ARMH4: variants seen among roughly 807,000 people sequenced by gnomAD.
The protein encoded by ARMH4 is armadillo-like helical domain-containing protein 4.
Under a neutral mutation model 61.9 loss-of-function variants are expected in ARMH4, and 49 were observed. The ratio of observed to expected loss-of-function variants is 0.79; its 90% CI spans 0.63 to 1.00. ARMH4 has a LOEUF of 1.00. ARMH4 is among the 50% of genes least tolerant of loss of function. The pLI, the probability that ARMH4 is intolerant of heterozygous loss-of-function variation, is 0.00. For synonymous variants in ARMH4, 368 were observed against 341.5 expected, an observed-to-expected ratio of 1.08 and a Z score of -0.85; for missense variants, 934 against 930.0, an observed-to-expected ratio of 1.00 and a Z score of -0.06.
chr14:58,125,795 G>T (rs1473478263), intron 4 of ARMH4, among the ~76,000 whole-genome samples: 1 of 152,136 alleles, frequency 6.6e-6, no homozygotes, highest in Non-Finnish European at 1.5e-5. Context: ...ACAGCACTTG[G>T]GTTTTCCTGT....
At chr14:58,043,785 A>C (rs1310012905) in intron 5 of ARMH4, among the ~76,000 whole-genome samples, 2 of 152,228 alleles carry the variant, frequency 1.3e-5, no homozygotes, top group African/African-American at 4.8e-5. Flanking sequence ...ATGTGCAAAA[A>C]TCACAAGCAT....
intron 5 of ARMH4, among the ~76,000 whole-genome samples, chr14:58,028,331 T>C (rs1257305386): frequency 6.6e-6 from 1 of 152,214 alleles, no homozygotes; most frequent in Non-Finnish European, 1.5e-5. Flanking sequence ...AATTTCTTGT[T>C]TGCTTGTGCT....
chr14:58,074,428 G>A (rs534876621), intron 5 of ARMH4, among the ~76,000 whole-genome samples: 5 of 150,208 alleles, frequency 3.3e-5, no homozygotes, highest in African/African-American at 4.9e-5. Flanking sequence ...GCTTCTCTCC[G>A]CTTTGGCAGT....
intron 3 of ARMH4, among the ~76,000 whole-genome samples, chr14:58,132,427 G>A (rs1042376662): frequency 1.3e-5 from 2 of 151,860 alleles, no homozygotes; most frequent in Admixed American, 1.3e-4. Context: ...CCAAAGTTGC[G>A]ATTCAAATTC....
At chr14:58,075,365 C>T (rs913898205) in intron 5 of ARMH4, among the ~76,000 whole-genome samples, 3 of 152,108 alleles carry the variant, frequency 2.0e-5, no homozygotes, top group Non-Finnish European at 4.4e-5. Flanking sequence ...AAATGCCCAT[C>T]AATGATAGAC....
intron 5 of ARMH4, among the ~76,000 whole-genome samples, chr14:58,062,347 C>A (rs1342290701): frequency 6.6e-6 from 1 of 152,088 alleles, no homozygotes; most frequent in Non-Finnish European, 1.5e-5. Context: ...TCCTGTCCCC[C>A]AAATAAAGAA....
intron 5 of ARMH4, among the ~76,000 whole-genome samples, chr14:58,034,327 A>G (rs1457210187): frequency 8.7e-6 from 1 of 114,810 alleles, no homozygotes; most frequent in Admixed American, 8.3e-5. Flanking sequence ...AAGGAGAAAT[A>G]AAATACTTTA....
intron 4 of ARMH4, among the ~76,000 whole-genome samples, chr14:58,119,094 G>T (rs1886633231): frequency 1.3e-5 from 2 of 152,170 alleles, no homozygotes; most frequent in Admixed American, 6.5e-5. Flanking sequence ...AAAGGCCCTG[G>T]TAAATGAGGG....
chr14:58,124,200 C>A (rs1253044848), intron 4 of ARMH4, among the ~76,000 whole-genome samples: 1 of 152,290 alleles, frequency 6.6e-6, no homozygotes, highest in Middle Eastern at 3.4e-3. Flanking sequence ...AGATGGACAC[C>A]TGAAGCAGAA....
chr14:58,027,243 T>C (rs747691439), intron 5 of ARMH4, among the ~76,000 whole-genome samples: 5 of 152,246 alleles, frequency 3.3e-5, no homozygotes, highest in Non-Finnish European at 7.3e-5. Context: ...TACGGCATAG[T>C]GCCCATAGCT....
chr14:58,073,373 A>G (rs557909012), intron 5 of ARMH4, among the ~76,000 whole-genome samples: 1 of 152,336 alleles, frequency 6.6e-6, no homozygotes, highest in African/African-American at 2.4e-5. Flanking sequence ...AAAAAGTATA[A>G]AAGATACTAG....
intron 5 of ARMH4, among the ~76,000 whole-genome samples, chr14:58,093,217 C>T (rs1594752273): frequency 6.6e-6 from 1 of 152,148 alleles, no homozygotes; most frequent in East Asian, 1.9e-4. Flanking sequence ...AATTAATCCT[C>T]TTTCCTTTAT....
At chr14:58,118,930 G>A (rs1272463939) in intron 4 of ARMH4, among the ~76,000 whole-genome samples, 1 of 152,094 alleles carries the variant, frequency 6.6e-6, no homozygotes, top group Non-Finnish European at 1.5e-5. Flanking sequence ...AAATCCAGAG[G>A]GAGCAGCACC....
chr14:58,096,589 A>G, intron 5 of ARMH4, 135 bp downstream of exon 5: 2 of 955,806 alleles, frequency 2.1e-6, no homozygotes, highest in Non-Finnish European at 3.0e-6. Flanking sequence ...TTAACCACCC[A>G]TAAATGTAGA....
At position 58,080,745 on chromosome 14, in the gene ARMH4, A is replaced by AT. The variant is rs988803321; in HGVS notation, c.2089+15978dup. Among the ~76,000 whole-genome samples the AT allele has an allele frequency of 3.9e-5, 6 of 152,052 alleles. 1 individual carries two copies. Among genetic ancestry groups the AT allele is most frequent in the African/African-American group, 2.4e-5 (1 of 41,486 alleles). ...ATTGTGTGACAGTGAGGTTGAATTT[A>AT]TTTTTTTTAAGATTTTCATCATTAA... On this transcript the variant is annotated intron_variant, in intron 5 of 7. Coordinates refer to ENST00000267485, the MANE Select transcript of ARMH4 (RefSeq NM_001001872.4).
Position 58,002,704 on chromosome 14 carries a change from A to T in ARMH4, c.*2032T>A, listed in dbSNP as rs1184111817. 1 of 152,222 alleles carries T rather than the reference A, an allele frequency of 6.6e-6. No individual in the cohort carries two copies. The highest frequency in any genetic ancestry group is 1.5e-5 in the Non-Finnish European group (1 of 68,034). The allele number at this position is 152,222 out of a possible 1,614,324, so 9.4% of individuals were successfully genotyped here. On this transcript the variant is annotated 3_prime_UTR_variant, in exon 8 of 8. Coordinates refer to ENST00000267485, the MANE Select transcript of ARMH4 (RefSeq NM_001001872.4). ...TCCCAACCTTAGAAACACTTACAGC[A>T]AAGGGCTGCTCTTAGAAAAGGAAAA...
At chr14:58,054,078 A>C (rs1566559732) in intron 5 of ARMH4, among the ~76,000 whole-genome samples, 1 of 152,216 alleles carries the variant, frequency 6.6e-6, no homozygotes, top group Non-Finnish European at 1.5e-5. Context: ...CATTTTACAC[A>C]TGAGAAAACT....
chr14:58,074,669 T>C (rs1176595220), intron 5 of ARMH4, among the ~76,000 whole-genome samples: 1 of 152,120 alleles, frequency 6.6e-6, no homozygotes, highest in Admixed American at 6.6e-5. Context: ...ATGATGCGGT[T>C]TTCCACCATA....
intron 5 of ARMH4, among the ~76,000 whole-genome samples, chr14:58,031,812 C>T (rs1268421704): frequency 6.6e-6 from 1 of 152,198 alleles, no homozygotes; most frequent in Non-Finnish European, 1.5e-5. Flanking sequence ...TGTTTCCTAT[C>T]ATATACTTCC....
Sources: allele counts gnomAD v4.1 joint callset (sites outside exome capture counted in the v4.1 genomes callset), GRCh38; gene constraint gnomAD v4.1.1; transcripts MANE v1.5; gene names NCBI Gene and HGNC (gene_info 2026-07-23, HGNC 2026-07-21).